PEX1: variants seen among roughly 807,000 people sequenced by gnomAD.
PEX1 encodes peroxisomal biogenesis factor 1, also known as peroxisomal ATPase PEX1.
PEX1 carries 97 observed loss-of-function variants against 152.5 expected under a neutral mutation model. The observed-to-expected ratio is 0.64, with a 90% CI of 0.54 to 0.75. PEX1 has a LOEUF of 0.75. PEX1 is among the 30% of genes least tolerant of loss of function. The pLI, the probability that PEX1 is intolerant of heterozygous loss-of-function variation, is 0.00. For synonymous variants in PEX1, 485 were observed against 531.6 expected (o/e 0.91, Z 1.21); for missense variants, 1,357 against 1,516.3 (o/e 0.89, Z 1.74).
chr7:92,504,019 A>G (rs1792059945), intron 12 of PEX1, among the ~76,000 whole-genome samples: 1 of 152,006 alleles, frequency 6.6e-6, no homozygotes, highest in Non-Finnish European at 1.5e-5. Flanking sequence ...CCTGTAGACC[A>G]CGCTTCCTTT....
intron 16 of PEX1, among the ~76,000 whole-genome samples, chr7:92,498,078 A>C (rs1791741846): frequency 6.6e-6 from 1 of 151,508 alleles, no homozygotes; most frequent in Non-Finnish European, 1.5e-5. Context: ...GAAAAAAAAA[A>C]AAAAAAAAAA....
At chr7:92,489,267 C>T in intron 23 of PEX1, 26 bp downstream of exon 23, 1 of 1,602,768 alleles carries the variant, frequency 6.2e-7, no homozygotes, top group Non-Finnish European at 8.5e-7. Context: ...AGTAGCTGTA[C>T]TTCCAAAACA....
At chr7:92,514,005 A>G (rs1311334153) in intron 5 of PEX1, 38 bp from the exon 6 acceptor site, 2 of 1,315,060 alleles carry the variant, frequency 1.5e-6, no homozygotes, top group Non-Finnish European at 2.2e-6. Context: ...AAATATATTC[A>G]AAGCTTGGTT....
intron 15 of PEX1, among the ~76,000 whole-genome samples, 173 bp from the exon 16 acceptor site, chr7:92,500,011 A>G (rs1791850178): frequency 6.6e-6 from 1 of 152,250 alleles, no homozygotes; most frequent in Non-Finnish European, 1.5e-5. Context: ...AAAACTGTAA[A>G]TGAACTCAAA....
chr7:92,499,106 A>AC (rs1028579369), intron 16 of PEX1, among the ~76,000 whole-genome samples: 4 of 152,076 alleles, frequency 2.6e-5, no homozygotes, highest in African/African-American at 4.8e-5. Context: ...AGAATCAGGA[A>AC]CCCCCCACAC....
At position 92,511,602 on chromosome 7, in the gene PEX1, A is replaced by G. The variant is rs1158138038; in HGVS notation, c.1461T>C (p.Phe487=). ...MLPLVISEEE[F]IKLETKDGLK... ...CACCATCTTTAGTTTCCAGCTTAAT[A>G]AATTCTTCCTCTGATATTACCAAAG... The change falls in exon 7 of 24, where the codon TTT becomes TTC. Residue 487 remains phenylalanine (F), a synonymous_variant. Coordinates refer to ENST00000248633, the MANE Select transcript of PEX1 (RefSeq NM_000466.3). The G allele has an allele frequency of 1.2e-6, 2 of 1,611,668 alleles. No homozygotes were observed. The highest frequency in any genetic ancestry group is 1.7e-6 in the Non-Finnish European group (2 of 1,178,204).
At position 92,504,766 on chromosome 7, in the gene PEX1, A is replaced by G; in HGVS notation, c.2037T>C (p.Ser679=). 6.2e-7 allele frequency: 1 copy of G among 1,614,180 alleles called. No individual in the cohort carries two copies. The highest frequency in any genetic ancestry group is 8.5e-7 in the Non-Finnish European group (1 of 1,180,022). The change falls in exon 12 of 24, where the codon AGT becomes AGC. Residue 679 remains serine (S), a synonymous_variant. Transcript: ENST00000248633. ...GLPAVPEHEH[S]PDAVQSQRLA... is the part of the protein sequence containing the mutation. ...GCCGCTGGCTCTGCACCGCATCAGG[A>G]CTGTGCTCATGTTCCGGGACAGCAG...
rs1230907353 is a variant in PEX1 at position 92,513,917 on chromosome 7, G to C, written c.1290C>G (p.Val430=). The change falls in exon 6 of 24, where the codon GTC becomes GTG. Residue 430 remains valine, a synonymous_variant. Transcript: ENST00000248633. Reference sequence around the variant, plus strand: ...GGGTAACTTCCACTGGAGTTATCCTGACTACGGCATGCATTTCTATATTTA... The same window carrying C: ...GGGTAACTTCCACTGGAGTTATCCTCACTACGGCATGCATTTCTATATTTA... ...KRLNIEMHAV[V]RITPVEVTPK... The C allele has an allele frequency of 1.3e-6, 2 of 1,593,524 alleles. No individual in the cohort carries two copies. Among genetic ancestry groups the C allele is most frequent in the Non-Finnish European group, 1.7e-6 (2 of 1,162,258 alleles).
At chr7:92,524,264 TG>T (rs1793170221) in intron 1 of PEX1, among the ~76,000 whole-genome samples, 1 of 149,018 alleles carries the variant, frequency 6.7e-6, no homozygotes, top group East Asian at 2.0e-4. Flanking sequence ...TTATGTTTCT[TG>T]CTTTTTTTTT....
intron 2 of PEX1, 25 bp downstream of exon 2, chr7:92,522,077 A>G: frequency 6.2e-7 from 1 of 1,610,004 alleles, no homozygotes; most frequent in East Asian, 2.2e-5. Flanking sequence ...ATTAGAAGAA[A>G]GTTATTGCCA....
chr7:92,507,068 G>A lies in PEX1; in HGVS notation c.1729C>T (p.Arg577Cys), dbSNP rs200991412. ...GACATCAGCTGCCGAGACAAAGGGC[G>A]TCCCAGGAGGCTGTGAGTGATGTGC... ...LEHITHSLLG[R>C]PLSRQLMSLV... Residue 577 changes from arginine (R) to cysteine (C), a missense_variant, in exon 10 of 24, where the codon CGC (arginine) becomes TGC (cysteine). Transcript: ENST00000248633. The A allele has an allele frequency of 8.1e-6, 13 of 1,613,762 alleles. No homozygotes were observed. Among genetic ancestry groups the A allele is most frequent in the South Asian group, 2.2e-5 (2 of 91,062 alleles).
chr7:92,506,146 G>T, intron 11 of PEX1, 102 bp downstream of exon 11: 1 of 709,562 alleles, frequency 1.4e-6, no homozygotes, highest in Non-Finnish European at 2.6e-6. Context: ...AAAAGTTAAA[G>T]ACTAGATGAT....
chr7:92,519,655 G>A (rs1259549077), intron 2 of PEX1, among the ~76,000 whole-genome samples: 7 of 152,118 alleles, frequency 4.6e-5, no homozygotes, highest in Admixed American at 4.6e-4. Flanking sequence ...TTTTGCAACA[G>A]ACATGCTGCT....
intron 15 of PEX1, 35 bp downstream of exon 15, chr7:92,501,472 G>T: frequency 1.3e-6 from 2 of 1,563,594 alleles, no homozygotes; most frequent in Non-Finnish European, 1.8e-6. Context: ...GTTCTTCTGG[G>T]AGTAAGTATT....
intron 8 of PEX1, 140 bp downstream of exon 8, chr7:92,510,803 AT>A (rs1468585165): frequency 5.3e-6 from 3 of 564,368 alleles, no homozygotes; most frequent in Non-Finnish European, 6.4e-6. Context: ...AGAATAAAAT[AT>A]TTTAAATCAA....
chr7:92,507,219 T>C, intron 9 of PEX1, 93 bp from the exon 10 acceptor site: 1 of 977,954 alleles, frequency 1.0e-6, no homozygotes, highest in South Asian at 1.5e-5. Flanking sequence ...CCCAGTGTAG[T>C]TAATTAATTT....
At chr7:92,498,352 A>C (rs943938190) in intron 16 of PEX1, among the ~76,000 whole-genome samples, 2 of 149,888 alleles carry the variant, frequency 1.3e-5, no homozygotes, top group African/African-American at 4.9e-5. Context: ...AAAAATACAA[A>C]AATTAGCCTG....
chr7:92,492,805 A>G (rs1791410733), intron 20 of PEX1, 148 bp downstream of exon 20: 5 of 697,728 alleles, frequency 7.2e-6, no homozygotes, highest in East Asian at 2.6e-5. Flanking sequence ...TATTCCAACT[A>G]TGGAACATTC....
chr7:92,506,164 T>G, intron 11 of PEX1, 84 bp downstream of exon 11: 2 of 802,882 alleles, frequency 2.5e-6, no homozygotes, highest in South Asian at 2.7e-5. Flanking sequence ...GATATGTGTA[T>G]TTATTAGATT....
Sources: gnomAD v4.1 joint callset for allele counts (sites outside exome capture counted in the v4.1 genomes callset) on GRCh38, gnomAD v4.1.1 for gene constraint, MANE v1.5 for transcripts, NCBI Gene and HGNC (gene_info 2026-07-23, HGNC 2026-07-21) for gene names.